Variants in KAZN observed in about 807,000 individuals in gnomAD.
KAZN encodes kazrin.
In KAZN, 40 loss-of-function variants were observed where a neutral mutation model predicts 87.4. The observed-to-expected ratio is 0.46, with a 90% confidence interval of 0.36 to 0.60. The LOEUF (loss-of-function observed/expected upper bound fraction) is 0.60, where lower values mean the gene tolerates loss of function less well. KAZN is among the 20% of genes least tolerant of loss of function. The pLI is 0.00. For missense variants in KAZN, 898 were observed against 1,073.9 expected, an observed-to-expected ratio of 0.84 and a Z score of 2.29; for synonymous variants, 466 against 458.3, an observed-to-expected ratio of 1.02 and a Z score of -0.22.
chr1:14,501,523 T>G (rs1012933334), intron 2 of KAZN, among the ~76,000 whole-genome samples: 1 of 152,164 alleles, frequency 6.6e-6, no homozygotes, highest in African/African-American at 2.4e-5. Context: ...AAATAAAATT[T>G]TAAAAACAAT....
At chr1:14,048,294 C>T (rs1642163313) in intron 1 of KAZN, among the ~76,000 whole-genome samples, 1 of 152,218 alleles carries the variant, frequency 6.6e-6, no homozygotes, top group African/African-American at 2.4e-5. Flanking sequence ...TTCTCCATGC[C>T]TACCATCCTG....
intron 1 of KAZN, among the ~76,000 whole-genome samples, chr1:14,050,195 TATGTGCACATGTGTGGGCATGC>T (rs1642266513): frequency 6.6e-6 from 1 of 150,798 alleles, no homozygotes; most frequent in Non-Finnish European, 1.5e-5. Flanking sequence ...TGTGTACACA[TATGTGCACATGTGTGGGCATGC>T]ATGTGCACAT....
intron 2 of KAZN, among the ~76,000 whole-genome samples, chr1:14,344,728 T>C (rs561323904): frequency 1.3e-5 from 2 of 152,160 alleles, no homozygotes; most frequent in Non-Finnish European, 2.9e-5. Flanking sequence ...TTAGACAATT[T>C]TGGGAGAAGA....
At chr1:14,257,983 A>G (rs535700107) in intron 2 of KAZN, among the ~76,000 whole-genome samples, 16 of 149,456 alleles carry the variant, frequency 1.1e-4, no homozygotes, top group Non-Finnish European at 2.2e-4. Flanking sequence ...GAGAAAAAAA[A>G]AAAAGAAAAG....
chr1:14,984,469 TA>T, intron 2 of KAZN, among the ~76,000 whole-genome samples: 1 of 152,266 alleles, frequency 6.6e-6, no homozygotes, highest in East Asian at 1.9e-4. Flanking sequence ...GGCCTTCTCA[TA>T]TGGAATGGGG....
At chr1:14,763,346 C>T (rs966724695) in intron 1 of KAZN, among the ~76,000 whole-genome samples, 3 of 152,222 alleles carry the variant, frequency 2.0e-5, no homozygotes, top group African/African-American at 7.2e-5. Context: ...TGGTTGCAAG[C>T]ATCCCACTTT....
intron 7 of KAZN, 113 bp from the exon 8 acceptor site, chr1:15,065,517 A>C: frequency 3.2e-6 from 3 of 927,334 alleles, no homozygotes; most frequent in Non-Finnish European, 5.0e-6. Context: ...ACTGGCTTAA[A>C]GCTCAGAGAG....
intron 1 of KAZN, among the ~76,000 whole-genome samples, chr1:14,957,838 G>A (rs1452866766): frequency 1.3e-5 from 2 of 152,292 alleles, no homozygotes; most frequent in East Asian, 1.9e-4. Flanking sequence ...GGAGGCTGTC[G>A]GCACCGAGTG....
chr1:14,313,225 C>A (rs943801832), intron 2 of KAZN, among the ~76,000 whole-genome samples: 3 of 152,212 alleles, frequency 2.0e-5, no homozygotes, highest in Admixed American at 2.0e-4. Flanking sequence ...ACCTCTCCAC[C>A]AGCCCCCCAC....
intron 1 of KAZN, among the ~76,000 whole-genome samples, chr1:14,929,481 C>T (rs1659552873): frequency 6.6e-6 from 1 of 152,168 alleles, no homozygotes; most frequent in Admixed American, 6.5e-5. Flanking sequence ...TTTAAATCAT[C>T]TCAAGAGGAA....
intron 8 of KAZN, among the ~76,000 whole-genome samples, chr1:15,073,133 G>T (rs541107111): frequency 1.3e-5 from 2 of 152,306 alleles, no homozygotes; most frequent in Non-Finnish European, 2.9e-5. Context: ...GGACTTCCGT[G>T]TACGAGTCCA....
chr1:13,961,285 G>A (rs1314518931), intron 1 of KAZN, among the ~76,000 whole-genome samples: 6 of 152,144 alleles, frequency 3.9e-5, no homozygotes, highest in Non-Finnish European at 8.8e-5. Context: ...CCATAAACCA[G>A]AACAGACAGA....
intron 2 of KAZN, among the ~76,000 whole-genome samples, chr1:15,033,237 G>A (rs745349803): frequency 3.9e-5 from 6 of 152,198 alleles, no homozygotes; most frequent in Non-Finnish European, 7.3e-5. Context: ...CATGCATACT[G>A]AGCAATGGCC....
At chr1:14,394,492 T>A (rs910402929) in intron 2 of KAZN, among the ~76,000 whole-genome samples, 3 of 152,228 alleles carry the variant, frequency 2.0e-5, no homozygotes, top group African/African-American at 7.2e-5. Flanking sequence ...GTGATGGTAT[T>A]TGGTTGATAC....
intron 1 of KAZN, among the ~76,000 whole-genome samples, chr1:13,986,246 T>C (rs960579828): frequency 1.3e-5 from 2 of 152,220 alleles, no homozygotes; most frequent in African/African-American, 4.8e-5. Context: ...GTAAATATGA[T>C]TGTATTTTTT....
At chr1:14,976,600 C>G (rs937007999) in intron 2 of KAZN, among the ~76,000 whole-genome samples, 3 of 152,190 alleles carry the variant, frequency 2.0e-5, no homozygotes, top group Non-Finnish European at 4.4e-5. Flanking sequence ...GCCCACGCTG[C>G]CCAGCCCCAG....
At chr1:14,325,100 A>G (rs936972211) in intron 2 of KAZN, among the ~76,000 whole-genome samples, 1 of 152,162 alleles carries the variant, frequency 6.6e-6, no homozygotes. Flanking sequence ...TGTGCTTTAT[A>G]ATTTTGGTGG....
intron 1 of KAZN, among the ~76,000 whole-genome samples, chr1:14,745,822 T>C (rs544423620): frequency 1.3e-5 from 2 of 152,316 alleles, no homozygotes; most frequent in East Asian, 1.9e-4. Flanking sequence ...ATTTGGCTGA[T>C]GTTACTATCG....
intron 1 of KAZN, among the ~76,000 whole-genome samples, chr1:13,953,637 A>C (rs1641435812): frequency 6.6e-6 from 1 of 151,028 alleles, no homozygotes; most frequent in African/African-American, 2.4e-5. Context: ...AAGCTTTTAG[A>C]GTTTTCTTTT....
Sources: gnomAD v4.1 joint callset for allele counts (sites outside exome capture counted in the v4.1 genomes callset) on GRCh38, gnomAD v4.1.1 for gene constraint, MANE v1.5 for transcripts, NCBI Gene and HGNC (gene_info 2026-07-23, HGNC 2026-07-21) for gene names.